Variants in UNC13C observed in about 807,000 individuals in gnomAD.
UNC13C encodes protein unc-13 homolog C.
Under a neutral mutation model 245.4 loss-of-function variants are expected in UNC13C, and 174 were observed. The ratio of observed to expected loss-of-function variants is 0.71; its 90% CI spans 0.63 to 0.80. UNC13C has a LOEUF of 0.80. UNC13C is among the 30% of genes least tolerant of loss of function. The pLI, the probability that UNC13C is intolerant of heterozygous loss-of-function variation, is 0.00. For synonymous variants in UNC13C, 992 were observed against 895.1 expected (o/e 1.11, Z -1.93); for missense variants, 2,829 against 2,602.9 (o/e 1.09, Z -1.89).
At chr15:54,506,918 C>T (rs1016700632) in intron 22 of UNC13C, among the ~76,000 whole-genome samples, 199 bp from the exon 23 acceptor site, 1 of 151,964 alleles carries the variant, frequency 6.6e-6, no homozygotes, top group Non-Finnish European at 1.5e-5. Flanking sequence ...ATTTAATTAA[C>T]ATGGTTTATT....
At chr15:54,110,495 T>C (rs1900713468) in intron 2 of UNC13C, among the ~76,000 whole-genome samples, 1 of 152,132 alleles carries the variant, frequency 6.6e-6, no homozygotes, top group South Asian at 2.1e-4. Context: ...TCGCTTTCTA[T>C]GTTGAAAAGA....
intron 26 of UNC13C, among the ~76,000 whole-genome samples, chr15:54,542,913 C>T (rs1896311679): frequency 6.6e-6 from 1 of 152,034 alleles, no homozygotes; most frequent in Admixed American, 6.6e-5. Flanking sequence ...AGATGGGTCT[C>T]CTGAATACAG....
At chr15:53,920,436 C>A in the UNC13C span, among the ~76,000 whole-genome samples, 8,026 of 152,196 alleles carry the variant, frequency 0.053, 420 homozygotes, top group African/African-American at 0.13. Context: ...TGCCTGTAAT[C>A]TCAGCTACTT....
At chr15:54,293,854 C>A (rs779652846) in intron 10 of UNC13C, 41 bp from the exon 11 acceptor site, 17 of 1,442,316 alleles carry the variant, frequency 1.2e-5, no homozygotes, top group South Asian at 1.6e-5. Context: ...GAATTTAGAG[C>A]AGTTTTCAAT....
chr15:53,961,200 G>A, the UNC13C span, among the ~76,000 whole-genome samples: 1 of 152,216 alleles, frequency 6.6e-6, no homozygotes, highest in Admixed American at 6.5e-5. Flanking sequence ...GCATGGCCCA[G>A]CAGGGGGATA....
chr15:54,011,513 T>A (rs1306279502), intron 1 of UNC13C, among the ~76,000 whole-genome samples: 1 of 152,210 alleles, frequency 6.6e-6, no homozygotes. Context: ...AGCTTAACTT[T>A]CCAAAGCCTT....
At chr15:54,131,258 CTGG>C (rs1272632463) in intron 2 of UNC13C, among the ~76,000 whole-genome samples, 2 of 152,114 alleles carry the variant, frequency 1.3e-5, no homozygotes, top group Non-Finnish European at 2.9e-5. Flanking sequence ...GCTTTATTGC[CTGG>C]CAGACTAGAC....
At chr15:53,870,365 C>T in the UNC13C span, among the ~76,000 whole-genome samples, 3 of 152,054 alleles carry the variant, frequency 2.0e-5, no homozygotes, top group Non-Finnish European at 4.4e-5. Flanking sequence ...TGCATTCTCA[C>T]CTTCTCTGTA....
At chr15:54,613,127 T>G (rs1900212240) in intron 30 of UNC13C, among the ~76,000 whole-genome samples, 1 of 151,832 alleles carries the variant, frequency 6.6e-6, no homozygotes, top group East Asian at 1.9e-4. Flanking sequence ...TAAAAACAAT[T>G]AGAAGATTTA....
chr15:54,094,768 T>C (rs1264104469), intron 2 of UNC13C, among the ~76,000 whole-genome samples: 3 of 152,300 alleles, frequency 2.0e-5, no homozygotes, highest in African/African-American at 7.2e-5. Context: ...CTCCCCCAGT[T>C]AAGGCCTGTG....
At chr15:54,138,951 TAA>T (rs2031871104) in intron 2 of UNC13C, among the ~76,000 whole-genome samples, 4 of 116,540 alleles carry the variant, frequency 3.4e-5, no homozygotes, top group Admixed American at 1.0e-4. Context: ...AAATTTCCCC[TAA>T]TTTTTTTTTT....
In UNC13C at chr15:54,293,934, A is replaced by G. The variant is rs761858811; in HGVS notation, c.3858A>G (p.Val1286=). The change falls in exon 11 of 33, where the codon GTA becomes GTG. Residue 1286 remains valine (V), a synonymous_variant. Coordinates refer to ENST00000260323, the MANE Select transcript of UNC13C (RefSeq NM_001080534.3). ...CCACAGATCGAATCAAAGTCAGAGT[A>G]TGGGATGAAGATGATGATATTAAAT... ...HNSTDRIKVR[V]WDEDDDIKSR... 1.3e-6 allele frequency: 2 copies of G among 1,588,292 alleles called. No homozygotes were observed. Among genetic ancestry groups the G allele is most frequent in the South Asian group, 1.2e-5 (1 of 86,064 alleles).
chr15:54,330,047 T>G (rs1329345726), intron 14 of UNC13C, among the ~76,000 whole-genome samples: 5 of 149,166 alleles, frequency 3.4e-5, no homozygotes, highest in Non-Finnish European at 6.0e-5. Flanking sequence ...TAGGCAATCC[T>G]TTTTTTTTTC....
chr15:54,525,330 T>G (rs893523924), intron 24 of UNC13C, among the ~76,000 whole-genome samples: 2 of 151,834 alleles, frequency 1.3e-5, no homozygotes, highest in East Asian at 3.9e-4. Context: ...ATGCATGCCC[T>G]GCATTTCAAA....
intron 30 of UNC13C, among the ~76,000 whole-genome samples, chr15:54,607,929 T>C (rs1012402026): frequency 1.3e-5 from 2 of 152,160 alleles, no homozygotes; most frequent in African/African-American, 2.4e-5. Context: ...AACCAAACCA[T>C]ATCAGACAAA....
intron 18 of UNC13C, among the ~76,000 whole-genome samples, chr15:54,412,894 T>C (rs147870380): frequency 6.6e-6 from 1 of 152,322 alleles, no homozygotes; most frequent in African/African-American, 2.4e-5. Flanking sequence ...GACTTAACTA[T>C]AATTTTAGCA....
At chr15:54,039,509 A>G (rs1453593304) in intron 2 of UNC13C, among the ~76,000 whole-genome samples, 1 of 152,098 alleles carries the variant, frequency 6.6e-6, no homozygotes, top group Non-Finnish European at 1.5e-5. Context: ...ATCCCTCCAC[A>G]CAGATATTTC....
chr15:54,547,421 T>C (rs988884234), intron 27 of UNC13C, among the ~76,000 whole-genome samples: 1 of 152,216 alleles, frequency 6.6e-6, no homozygotes, highest in East Asian at 1.9e-4. Context: ...CAGAGCCAGG[T>C]ATCTCTGTTC....
At chr15:54,434,868 G>T (rs2040948228) in intron 19 of UNC13C, among the ~76,000 whole-genome samples, 3 of 151,902 alleles carry the variant, frequency 2.0e-5, no homozygotes, top group African/African-American at 7.3e-5. Context: ...AAACCGCAAA[G>T]AACTTAAACA....
Sources: allele counts gnomAD v4.1 joint callset (sites outside exome capture counted in the v4.1 genomes callset), GRCh38; gene constraint gnomAD v4.1.1; transcripts MANE v1.5; gene names NCBI Gene and HGNC (gene_info 2026-07-23, HGNC 2026-07-21).